RSPH4A: variants seen among roughly 807,000 people sequenced by gnomAD.
The protein encoded by RSPH4A is radial spoke head component 4A.
In RSPH4A, 47 loss-of-function variants were observed where a neutral mutation model predicts 71.0. That is an observed-to-expected ratio of 0.66 (90% CI 0.52 to 0.84). The LOEUF (loss-of-function observed/expected upper bound fraction) is 0.84. Ranked by LOEUF, RSPH4A falls within the 40% of genes least tolerant of loss-of-function variation. The pLI, the probability that RSPH4A is intolerant of heterozygous loss-of-function variation, is 0.00. For missense variants in RSPH4A, 793 were observed against 855.2 expected, an observed-to-expected ratio of 0.93 and a Z score of 0.91; for synonymous variants, 282 against 302.3, an observed-to-expected ratio of 0.93 and a Z score of 0.70.
rs139726443 is a variant in RSPH4A at position 116,627,952 on chromosome 6, G to A, written c.1245G>A (p.Gln415=). Residue 415 remains glutamine (Q), a synonymous_variant, in exon 3 of 6, where the codon CAG becomes CAA. Transcript: ENST00000229554. The part of the protein sequence containing the change: ...ELPKSFYKAP[Q]AIPKEESRTG... The stretch of plus-strand genomic sequence containing the variant: ...CAAAGTCCTTTTACAAGGCCCCACA[G>A]GCTATACCAAAAGAAGAAAGTAGAA... 82 of 1,614,150 alleles carry A rather than the reference G, an allele frequency of 5.1e-5. No individual in the cohort carries two copies. In the African/African-American group the frequency reaches 1.0e-3, roughly 20 times the overall value.
intron 1 of RSPH4A, among the ~76,000 whole-genome samples, chr6:116,619,662 T>C (rs1775568352): frequency 6.6e-6 from 1 of 152,020 alleles, no homozygotes; most frequent in Non-Finnish European, 1.5e-5. Flanking sequence ...AAAAAATTAA[T>C]GTATGATGTG....
intron 2 of RSPH4A, among the ~76,000 whole-genome samples, chr6:116,626,597 TC>T (rs1257986535): frequency 1.3e-5 from 2 of 152,152 alleles, no homozygotes; most frequent in Non-Finnish European, 2.9e-5. Flanking sequence ...TGGCTCGGCC[TC>T]CCAAAGTGCT....
At position 116,630,845 on chromosome 6, in the gene RSPH4A, G is replaced by GTTTTT. The variant is rs1285123787; in HGVS notation, c.1916+294_1916+295insTTTTT. Among the ~76,000 whole-genome samples, 265 of 67,624 alleles carry GTTTTT rather than the reference G, an allele frequency of 3.9e-3. 37 individuals carry two copies. The highest frequency in any genetic ancestry group is 7.9e-3 in the Middle Eastern group (1 of 126). The allele number at this position is 67,624 out of a possible 152,430, so 44.4% of individuals were successfully genotyped here. A position where few individuals can be genotyped will look rare whatever the true frequency, so the allele number is the denominator to read the frequency against. ...GCACCACTATGCCCAGCTAATTTTT[G>GTTTTT]TATTTTTTTTTTTTTTTTTTTTTTT... On this transcript the variant is annotated intron_variant, in intron 5 of 5. Coordinates refer to ENST00000229554, the MANE Select transcript of RSPH4A (RefSeq NM_001010892.3).
chr6:116,629,286 C>A (rs1324052181), intron 3 of RSPH4A, among the ~76,000 whole-genome samples: 1 of 152,068 alleles, frequency 6.6e-6, no homozygotes, highest in Non-Finnish European at 1.5e-5. Context: ...ACACTCTTAC[C>A]TTTTTCACTA....
intron 2 of RSPH4A, among the ~76,000 whole-genome samples, chr6:116,626,469 G>A (rs1460547956): frequency 1.3e-5 from 2 of 152,022 alleles, no homozygotes; most frequent in African/African-American, 4.8e-5. Context: ...AGCCTCCCGA[G>A]TAGCTGGGAC....
Position 116,616,515 on chromosome 6 carries a change from G to A in RSPH4A, c.-109G>A, listed in dbSNP as rs1775503941. The A allele has an allele frequency of 2.1e-6, 2 of 958,400 alleles. No individual in the cohort carries two copies. Among genetic ancestry groups the A allele is most frequent in the Non-Finnish European group, 3.3e-6 (2 of 610,818 alleles). 59.4% of individuals were successfully genotyped at this position (958,400 alleles called of 1,614,324 possible). A position where few individuals can be genotyped will look rare whatever the true frequency, so the allele number is the denominator to read the frequency against. On this transcript the variant is annotated 5_prime_UTR_variant, in exon 1 of 6. Transcript: ENST00000229554. ...ACGCAGCAACTCACAGAGCAACCAG[G>A]ACCCAGAAATCGCTTAAGAGACCGC...
At chr6:116,630,603 G>GAAATTAT (rs1562392967) in intron 5 of RSPH4A, 51 bp downstream of exon 5, 1 of 816,828 alleles carries the variant, frequency 1.2e-6, no homozygotes, top group Non-Finnish European at 2.1e-6. Flanking sequence ...TTAAGCTCTG[G>GAAATTAT]AAATTATAAA....
rs759084740 is a variant in RSPH4A at position 116,622,887 on chromosome 6, A to G, written c.806A>G (p.Asp269Gly). The change falls in exon 2 of 6, where the codon GAT becomes GGT. Residue 269 changes from aspartate to glycine, a missense_variant. By Grantham distance (94) the Asp-to-Gly change is moderately conservative. Coordinates refer to ENST00000229554, the MANE Select transcript of RSPH4A (RefSeq NM_001010892.3). ...ATGGCACATTTTAGTAAAAAATTTG[A>G]TGCACTACAAAATGAGAATGAGTTG... Reference protein sequence around the residue: ...VKMAHFSKKFDALQNENELLP... With the variant: ...VKMAHFSKKFGALQNENELLP... The G allele has an allele frequency of 6.2e-7, 1 of 1,613,368 alleles. No homozygotes were observed. Among genetic ancestry groups the G allele is most frequent in the South Asian group, 1.1e-5 (1 of 91,078 alleles).
intron 2 of RSPH4A, among the ~76,000 whole-genome samples, chr6:116,626,212 C>T (rs1036796226): frequency 6.6e-6 from 1 of 152,162 alleles, no homozygotes; most frequent in Non-Finnish European, 1.5e-5. Flanking sequence ...TTTGACACTA[C>T]AATTATAAGA....
intron 1 of RSPH4A, among the ~76,000 whole-genome samples, chr6:116,620,941 C>T (rs1202484642): frequency 6.6e-6 from 1 of 152,158 alleles, no homozygotes; most frequent in Non-Finnish European, 1.5e-5. Flanking sequence ...TTACTGCAAC[C>T]TCCACCTCCT....
intron 2 of RSPH4A, among the ~76,000 whole-genome samples, chr6:116,624,793 A>C (rs915041714): frequency 1.2e-4 from 19 of 152,182 alleles, no homozygotes; most frequent in African/African-American, 4.6e-4. Flanking sequence ...TCATTCACCC[A>C]TTTATTCATA....
chr6:116,630,327 C>T (rs117476251), intron 4 of RSPH4A, 108 bp from the exon 5 acceptor site: 1 of 765,356 alleles, frequency 1.3e-6, no homozygotes, highest in South Asian at 1.4e-5. Flanking sequence ...ATGTGTGTAT[C>T]TGTGTGTGTG....
At chr6:116,623,029 A>G (rs2115356659) in intron 2 of RSPH4A, 27 bp downstream of exon 2, 4 of 1,342,804 alleles carry the variant, frequency 3.0e-6, no homozygotes, top group East Asian at 2.3e-5. Context: ...AATTTTAATA[A>G]TAAACCTTAG....
At chr6:116,622,596 A>C (rs1323346180) in intron 1 of RSPH4A, among the ~76,000 whole-genome samples, 172 bp from the exon 2 acceptor site, 1 of 152,228 alleles carries the variant, frequency 6.6e-6, no homozygotes, top group Non-Finnish European at 1.5e-5. Flanking sequence ...GTCTGCAAAT[A>C]GTTGTTCAAT....
intron 5 of RSPH4A, among the ~76,000 whole-genome samples, chr6:116,630,774 G>T (rs1245734948): frequency 7.6e-6 from 1 of 131,834 alleles, no homozygotes; most frequent in East Asian, 2.5e-4. Context: ...CTGGGTTCAA[G>T]CCATTCTCCT....
chr6:116,628,743 A>C (rs752375888), intron 3 of RSPH4A, among the ~76,000 whole-genome samples: 8 of 152,192 alleles, frequency 5.3e-5, no homozygotes, highest in Non-Finnish European at 4.4e-5. Flanking sequence ...CTTTAATTTT[A>C]TCTCTATAAT....
At chr6:116,617,378 G>A in intron 1 of RSPH4A, 69 bp downstream of exon 1, 5 of 1,125,068 alleles carry the variant, frequency 4.4e-6, no homozygotes, top group East Asian at 2.4e-5. Context: ...CTCTGTGTGA[G>A]AGTGTGTTTC....
chr6:116,626,971 C>T (rs1032244802), intron 2 of RSPH4A, among the ~76,000 whole-genome samples: 2 of 151,992 alleles, frequency 1.3e-5, no homozygotes, highest in African/African-American at 4.8e-5. Flanking sequence ...TATATGTGTA[C>T]ATAGTTATTC....
intron 2 of RSPH4A, among the ~76,000 whole-genome samples, chr6:116,623,813 A>G (rs893766166): frequency 2.5e-4 from 38 of 152,194 alleles, no homozygotes; most frequent in African/African-American, 8.7e-4. Context: ...CATCAATGGG[A>G]TGTAATACAA....
Sources: gnomAD v4.1 joint callset for allele counts (sites outside exome capture counted in the v4.1 genomes callset) on GRCh38, gnomAD v4.1.1 for gene constraint, MANE v1.5 for transcripts, NCBI Gene and HGNC (gene_info 2026-07-23, HGNC 2026-07-21) for gene names.